PRKG1: variants seen among roughly 807,000 people sequenced by gnomAD.
PRKG1 encodes the protein cGMP-dependent protein kinase 1.
Under a neutral mutation model 88.1 loss-of-function variants are expected in PRKG1, and 35 were observed. The ratio of observed to expected loss-of-function variants is 0.40; its 90% CI spans 0.30 to 0.53. The LOEUF is 0.53. Among genes scored for constraint, PRKG1 ranks in the 20% least tolerant of loss-of-function variants. PRKG1 has a pLI of 0.59. For missense variants in PRKG1, 540 were observed against 839.8 expected (o/e 0.64, Z 4.41); for synonymous variants, 303 against 292.5 (o/e 1.04, Z -0.37).
chr10:52,100,044 A>G (rs1486001949), intron 7 of PRKG1, among the ~76,000 whole-genome samples: 1 of 152,188 alleles, frequency 6.6e-6, no homozygotes, highest in Non-Finnish European at 1.5e-5. Context: ...GAGATTTCGT[A>G]AGCCAAAAAT....
intron 3 of PRKG1, among the ~76,000 whole-genome samples, chr10:51,481,643 A>G (rs1343900639): frequency 6.6e-6 from 1 of 152,068 alleles, no homozygotes; most frequent in Non-Finnish European, 1.5e-5. Context: ...ATCCCAAGTA[A>G]CTCATTATTG....
intron 2 of PRKG1, among the ~76,000 whole-genome samples, chr10:51,440,910 A>C (rs1338141579): frequency 6.6e-6 from 1 of 152,034 alleles, no homozygotes; most frequent in Non-Finnish European, 1.5e-5. Context: ...AATGAATGGA[A>C]CCAATAAGAG....
chr10:51,099,265 G>A (rs1400388521), intron 1 of PRKG1, among the ~76,000 whole-genome samples: 2 of 152,004 alleles, frequency 1.3e-5, no homozygotes, highest in Non-Finnish European at 2.9e-5. Context: ...AGAGATGGGG[G>A]AAGAATTGAA....
chr10:51,771,292 T>C (rs1838298461), intron 3 of PRKG1, among the ~76,000 whole-genome samples: 1 of 152,222 alleles, frequency 6.6e-6, no homozygotes, highest in Non-Finnish European at 1.5e-5. Context: ...AAAGATCATA[T>C]GCAGTGCATG....
intron 5 of PRKG1, among the ~76,000 whole-genome samples, chr10:52,037,222 A>G (rs1480162066): frequency 9.2e-5 from 14 of 152,082 alleles, no homozygotes; most frequent in Middle Eastern, 3.4e-3. Flanking sequence ...TTTCTGGCAC[A>G]TGTAGCAAGC....
intron 3 of PRKG1, among the ~76,000 whole-genome samples, chr10:51,585,908 A>C (rs1240159989): frequency 6.6e-6 from 1 of 152,186 alleles, no homozygotes; most frequent in African/African-American, 2.4e-5. Context: ...TATAAGTAGG[A>C]GATAAACATG....
chr10:51,559,286 C>T (rs1429368605), intron 3 of PRKG1, among the ~76,000 whole-genome samples: 1 of 152,024 alleles, frequency 6.6e-6, no homozygotes, highest in Non-Finnish European at 1.5e-5. Context: ...AGAAATGATA[C>T]CGACGGGACA....
At chr10:51,283,862 A>C (rs1303236885) in intron 2 of PRKG1, among the ~76,000 whole-genome samples, 1 of 152,228 alleles carries the variant, frequency 6.6e-6, no homozygotes, top group Non-Finnish European at 1.5e-5. Flanking sequence ...TCCAGGCTAA[A>C]ACCCAATTTT....
At chr10:51,965,376 C>T (rs1040454226) in intron 5 of PRKG1, among the ~76,000 whole-genome samples, 5 of 152,106 alleles carry the variant, frequency 3.3e-5, no homozygotes, top group Non-Finnish European at 5.9e-5. Flanking sequence ...GGATAATGGC[C>T]TCCAGCTCCA....
chr10:52,173,804 T>C lies in PRKG1; in HGVS notation c.1076+11841T>C, dbSNP rs528042601. Among the ~76,000 whole-genome samples, 6 of 152,270 alleles carry C rather than the reference T, an allele frequency of 3.9e-5. No individual in the cohort carries two copies. The East Asian group carries it at 9.6e-4, about 24-fold the overall frequency. On this transcript the variant is annotated intron_variant, in intron 9 of 17. Transcript: ENST00000373980. Reference sequence around the variant, plus strand: ...TTAGAAAACCTAGATACATTACTAATTGAGCATACTGAAGAATAACAATCC... The same window carrying C: ...TTAGAAAACCTAGATACATTACTAACTGAGCATACTGAAGAATAACAATCC...
At chr10:52,042,528 G>A (rs1437236688) in intron 5 of PRKG1, among the ~76,000 whole-genome samples, 1 of 151,998 alleles carries the variant, frequency 6.6e-6, no homozygotes, top group Admixed American at 6.6e-5. Flanking sequence ...ACATGCAGAA[G>A]AATGAAACTA....
chr10:51,138,670 G>GTTTTTTTTTTT (rs1402122952), intron 1 of PRKG1, among the ~76,000 whole-genome samples: 4 of 67,046 alleles, frequency 6.0e-5, no homozygotes, highest in Non-Finnish European at 1.3e-4. Context: ...TGGACATTGA[G>GTTTTTTTTTTT]TTTTGTTTTT....
intron 2 of PRKG1, among the ~76,000 whole-genome samples, chr10:51,194,413 AG>A (rs1564633828): frequency 2.6e-5 from 4 of 151,710 alleles, no homozygotes; most frequent in African/African-American, 9.7e-5. Context: ...GACAGGCCCC[AG>A]TGTGTGATGT....
At chr10:52,262,542 A>T (rs61849210) in intron 10 of PRKG1, among the ~76,000 whole-genome samples, 1 of 152,086 alleles carries the variant, frequency 6.6e-6, no homozygotes, top group Non-Finnish European at 1.5e-5. Context: ...AAGTGCTGGG[A>T]TTACAGGCAT....
At chr10:51,165,600 C>A (rs961224336) in intron 2 of PRKG1, among the ~76,000 whole-genome samples, 3 of 151,888 alleles carry the variant, frequency 2.0e-5, no homozygotes, top group Non-Finnish European at 4.4e-5. Context: ...CACAGACTGG[C>A]AAATTGGATA....
intron 5 of PRKG1, among the ~76,000 whole-genome samples, chr10:51,924,537 T>G (rs1564710785): frequency 6.6e-6 from 1 of 152,162 alleles, no homozygotes; most frequent in African/African-American, 2.4e-5. Flanking sequence ...GTTTATTCTG[T>G]TTGATATTCT....
chr10:51,318,612 A>C (rs1482866542), intron 2 of PRKG1, among the ~76,000 whole-genome samples: 1 of 152,192 alleles, frequency 6.6e-6, no homozygotes, highest in Non-Finnish European at 1.5e-5. Context: ...CTGAATGCAG[A>C]GTAGGGAAAG....
chr10:51,236,709 TTGACC>T (rs1839001290), intron 2 of PRKG1, among the ~76,000 whole-genome samples: 1 of 152,058 alleles, frequency 6.6e-6, no homozygotes, highest in Non-Finnish European at 1.5e-5. Flanking sequence ...TTTCACCATA[TTGACC>T]AGGCTGGTCT....
At chr10:51,002,776 A>C (rs1297523605) in intron 1 of PRKG1, among the ~76,000 whole-genome samples, 1 of 152,160 alleles carries the variant, frequency 6.6e-6, no homozygotes, top group Non-Finnish European at 1.5e-5. Context: ...CTGTCCCAGC[A>C]ATCAAGGGTC....
Sources: gnomAD v4.1 joint callset for allele counts (sites outside exome capture counted in the v4.1 genomes callset) on GRCh38, gnomAD v4.1.1 for gene constraint, MANE v1.5 for transcripts, NCBI Gene and HGNC (gene_info 2026-07-23, HGNC 2026-07-21) for gene names.